Variants in ZMYND12 observed in about 807,000 individuals in gnomAD.
ZMYND12 encodes zinc finger MYND domain-containing protein 12.
Under a neutral mutation model 41.7 loss-of-function variants are expected in ZMYND12, and 32 were observed. The observed-to-expected ratio is 0.77, with a 90% CI of 0.58 to 1.03. The LOEUF is 1.03. Ranked by LOEUF, ZMYND12 falls within the 50% of genes least tolerant of loss-of-function variation. The pLI, the probability that ZMYND12 is intolerant of heterozygous loss-of-function variation, is 0.00. For missense variants in ZMYND12, 424 were observed against 438.5 expected, an observed-to-expected ratio of 0.97 and a Z score of 0.30; for synonymous variants, 148 against 164.8, an observed-to-expected ratio of 0.90 and a Z score of 0.78.
rs1331598830 is a variant in ZMYND12 at position 42,430,721 on chromosome 1, A to C, written c.*15T>G. Reference sequence around the variant, plus strand: ...TAGCCCCTGGAATAACCCTTGATGCAGAGCTCATGGGTCACTAAGTAATGG... The same window carrying C: ...TAGCCCCTGGAATAACCCTTGATGCCGAGCTCATGGGTCACTAAGTAATGG... On this transcript the variant is annotated 3_prime_UTR_variant, in exon 8 of 8. Transcript: ENST00000372565. 1.2e-6 allele frequency: 2 copies of C among 1,613,274 alleles called. No individual in the cohort carries two copies. Among genetic ancestry groups the C allele is most frequent in the Non-Finnish European group, 1.7e-6 (2 of 1,179,394 alleles).
Position 42,448,509 on chromosome 1 carries a change from C to T in ZMYND12, c.382G>A (p.Glu128Lys), listed in dbSNP as rs1199803969. The T allele has an allele frequency of 1.7e-5, 27 of 1,611,356 alleles. No homozygotes were observed. Among genetic ancestry groups the T allele is most frequent in the Non-Finnish European group, 2.3e-5 (27 of 1,178,726 alleles). Residue 128 changes from glutamate (E) to lysine (K), a missense_variant, in exon 3 of 8, where the codon GAG (glutamate) becomes AAG (lysine). Physicochemically the swap from Glu to Lys is moderately conservative, Grantham distance 56 (BLOSUM62 1). Transcript: ENST00000372565. Reference protein sequence around the residue: ...RVKLYGLSSVELVPAYLLLAE... With the variant: ...RVKLYGLSSVKLVPAYLLLAE... ...AACAGCAGGTAAGCAGGCACAAGCT[C>T]TACGGAGCTCAGGCCATACAGCTTC...
intron 4 of ZMYND12, among the ~76,000 whole-genome samples, chr1:42,438,837 T>C (rs955342122): frequency 1.3e-5 from 2 of 152,218 alleles, no homozygotes; most frequent in Non-Finnish European, 2.9e-5. Flanking sequence ...CCAACCTGCA[T>C]GGAGACTGCA....
In ZMYND12 at chr1:42,435,508, G is replaced by A. The variant is rs1050749589; in HGVS notation, c.718-123C>T. On this transcript the variant is annotated intron_variant, in intron 5 of 7. Coordinates refer to ENST00000372565, the MANE Select transcript of ZMYND12 (RefSeq NM_032257.5). Reference sequence around the variant, plus strand: ...CAACCTGGAGGTTCTCTCTCTTACTGTGCCTGGAGGCAGAGGGAACCCTAG... The same window carrying A: ...CAACCTGGAGGTTCTCTCTCTTACTATGCCTGGAGGCAGAGGGAACCCTAG... 88 of 713,336 alleles carry A rather than the reference G, an allele frequency of 1.2e-4. No homozygotes were observed. The East Asian group carries it at 2.3e-3, about 19-fold the overall frequency. 44.2% of individuals were successfully genotyped at this position (713,336 alleles called of 1,614,324 possible).
chr1:42,440,431 G>A (rs1054506001), intron 3 of ZMYND12, among the ~76,000 whole-genome samples: 1 of 152,112 alleles, frequency 6.6e-6, no homozygotes, highest in Non-Finnish European at 1.5e-5. Context: ...GAAATGTCCA[G>A]AATAGGCAAA....
At chr1:42,433,474 GAAGCAGGAGTTTCA>G (rs1294035931) in intron 6 of ZMYND12, among the ~76,000 whole-genome samples, 186 bp from the exon 7 acceptor site, 3 of 152,146 alleles carry the variant, frequency 2.0e-5, no homozygotes, top group African/African-American at 7.2e-5. Flanking sequence ...AGGAAGCTCC[GAAGCAGGAGTTTCA>G]GACCGCTTTC....
intron 3 of ZMYND12, among the ~76,000 whole-genome samples, chr1:42,443,211 A>C (rs1642988271): frequency 1.3e-5 from 2 of 152,144 alleles, no homozygotes; most frequent in South Asian, 4.1e-4. Flanking sequence ...CTAGAGAGAG[A>C]GAGTACGGTG....
At chr1:42,440,139 C>A in intron 3 of ZMYND12, 114 bp from the exon 4 acceptor site, 1 of 1,108,584 alleles carries the variant, frequency 9.0e-7, no homozygotes, top group Non-Finnish European at 1.2e-6. Flanking sequence ...TATTTATTGA[C>A]ACAGAAAAAC....
chr1:42,435,220 T>C (rs1570346352), intron 6 of ZMYND12, 54 bp downstream of exon 6: 1 of 1,334,996 alleles, frequency 7.5e-7, no homozygotes, highest in Non-Finnish European at 1.1e-6. Flanking sequence ...ACAAGGTCTG[T>C]GTATTGGGTG....
intron 4 of ZMYND12, among the ~76,000 whole-genome samples, chr1:42,438,150 G>A (rs570974894): frequency 9.1e-4 from 139 of 152,322 alleles, no homozygotes; most frequent in Non-Finnish European, 5.7e-4. Flanking sequence ...GACAGAATGT[G>A]CCTCTGCTTA....
intron 3 of ZMYND12, among the ~76,000 whole-genome samples, chr1:42,440,478 C>T (rs938389345): frequency 4.0e-5 from 6 of 149,204 alleles, no homozygotes; most frequent in African/African-American, 1.3e-4. Flanking sequence ...GGTGGCCAGG[C>T]GACAGGGGGA....
At chr1:42,439,780 A>G (rs1642948696) in intron 4 of ZMYND12, 76 bp downstream of exon 4, 3 of 1,424,300 alleles carry the variant, frequency 2.1e-6, no homozygotes, top group Non-Finnish European at 2.8e-6. Context: ...AAAAAAATTA[A>G]ACAGATTTTG....
At chr1:42,450,963 A>G (rs988990257) in intron 1 of ZMYND12, among the ~76,000 whole-genome samples, 9 of 152,228 alleles carry the variant, frequency 5.9e-5, no homozygotes, top group Non-Finnish European at 1.3e-4. Context: ...ATCAATCTCT[A>G]TAAATTTATT....
Position 42,439,928 on chromosome 1 carries a change from C to G in ZMYND12, c.522G>C (p.Leu174=), listed in dbSNP as rs766500736. The change falls in exon 4 of 8, where the codon CTG becomes CTC. Residue 174 remains leucine, a synonymous_variant. Transcript: ENST00000372565. ...TDCSNATHSL[L]HRNLGLLYIA... is the part of the protein sequence containing the mutation. ...TATAGAGAAGTCCCAGATTCCGATGCAGTAAAGAGTGGGTGGCATTACTAC... is the reference window on the plus strand; with the variant it reads ...TATAGAGAAGTCCCAGATTCCGATGGAGTAAAGAGTGGGTGGCATTACTAC... 2 of 1,614,078 alleles carry G rather than the reference C, an allele frequency of 1.2e-6. No homozygotes were observed. Among genetic ancestry groups the G allele is most frequent in the South Asian group, 2.2e-5 (2 of 91,080 alleles).
At position 42,430,573 on chromosome 1, in the gene ZMYND12, A is replaced by T; in HGVS notation, c.*163T>A. On this transcript the variant is annotated 3_prime_UTR_variant, in exon 8 of 8. Transcript: ENST00000372565. ...TATGCCTAAAGCTTTATATTCCCTTAATATGCTGTGTAAGAAAAAAATAAC... is the reference window on the plus strand; with the variant it reads ...TATGCCTAAAGCTTTATATTCCCTTTATATGCTGTGTAAGAAAAAAATAAC... The T allele has an allele frequency of 1.2e-6, 1 of 840,912 alleles. No individual in the cohort carries two copies. The highest frequency in any genetic ancestry group is 1.8e-6 in the Non-Finnish European group (1 of 553,768). 52.1% of individuals were successfully genotyped at this position (840,912 alleles called of 1,614,324 possible).
At chr1:42,443,161 C>T (rs965196459) in intron 3 of ZMYND12, among the ~76,000 whole-genome samples, 1 of 152,180 alleles carries the variant, frequency 6.6e-6, no homozygotes, top group Admixed American at 6.5e-5. Flanking sequence ...AAGCATCAGT[C>T]CTAAAGGAAA....
At chr1:42,432,710 T>C (rs1379516290) in intron 7 of ZMYND12, 1 of 157,560 alleles carries the variant, frequency 6.3e-6, no homozygotes, top group African/African-American at 2.4e-5. Context: ...ATGATAATTA[T>C]GTAAAGGGTT....
intron 3 of ZMYND12, among the ~76,000 whole-genome samples, chr1:42,441,351 G>C (rs963667912): frequency 1.3e-5 from 2 of 152,122 alleles, no homozygotes; most frequent in African/African-American, 4.8e-5. Flanking sequence ...GAACTATATA[G>C]AGTCACAGCT....
chr1:42,451,366 G>A (rs1466940463), intron 1 of ZMYND12, among the ~76,000 whole-genome samples: 2 of 152,134 alleles, frequency 1.3e-5, no homozygotes, highest in Admixed American at 6.6e-5. Flanking sequence ...GCATAGTCAT[G>A]GGTTTTTGCA....
At chr1:42,435,194 G>A in intron 6 of ZMYND12, 80 bp downstream of exon 6, 1 of 1,116,438 alleles carries the variant, frequency 9.0e-7, no homozygotes, top group Non-Finnish European at 1.4e-6. Flanking sequence ...AGGGACAGCT[G>A]CTTTCCCTCT....
Sources: allele counts gnomAD v4.1 joint callset (sites outside exome capture counted in the v4.1 genomes callset), GRCh38; gene constraint gnomAD v4.1.1; transcripts MANE v1.5; gene names NCBI Gene and HGNC (gene_info 2026-07-23, HGNC 2026-07-21).